Variants in WDPCP observed in about 807,000 individuals in gnomAD.
WDPCP encodes the protein WD repeat-containing and planar cell polarity effector protein fritz homolog.
WDPCP carries 71 observed loss-of-function variants against 93.1 expected under a neutral mutation model. That is an observed-to-expected ratio of 0.76 (90% CI 0.63 to 0.93). The LOEUF is 0.93. Ranked by LOEUF, WDPCP falls within the 40% of genes least tolerant of loss-of-function variation. WDPCP has a pLI of 0.00. For synonymous variants in WDPCP, 315 were observed against 315.0 expected (o/e 1.00, Z 0.00); for missense variants, 844 against 887.4 (o/e 0.95, Z 0.62).
At chr2:63,481,152 T>C (rs1387030204) in intron 6 of WDPCP, among the ~76,000 whole-genome samples, 1 of 152,074 alleles carries the variant, frequency 6.6e-6, no homozygotes, top group Non-Finnish European at 1.5e-5. Context: ...TCAATATCAC[T>C]AATGATCAGG....
At chr2:63,575,227 T>C (rs1045620516) in intron 1 of WDPCP, among the ~76,000 whole-genome samples, 1 of 150,888 alleles carries the variant, frequency 6.6e-6, no homozygotes, top group Non-Finnish European at 1.5e-5. Flanking sequence ...AGTCTAGAAA[T>C]GTATTGTTCT....
At chr2:63,492,766 G>A in intron 2 of WDPCP, 90 bp downstream of exon 2, 3 of 1,168,950 alleles carry the variant, frequency 2.6e-6, no homozygotes, top group Non-Finnish European at 2.5e-6. Flanking sequence ...AACTCCAGCT[G>A]GAGAATTCAG....
At chr2:63,464,355 AAAAC>A (rs894017344) in intron 6 of WDPCP, among the ~76,000 whole-genome samples, 1 of 152,144 alleles carries the variant, frequency 6.6e-6, no homozygotes, top group African/African-American at 2.4e-5. Flanking sequence ...TACTACCACA[AAAAC>A]AAACAACAAC....
At chr2:63,291,132 A>G (rs150577249) in intron 13 of WDPCP, among the ~76,000 whole-genome samples, 227 of 152,228 alleles carry the variant, frequency 1.5e-3, no homozygotes, top group African/African-American at 5.1e-3. Flanking sequence ...ATTATGTCCA[A>G]TCTTCTACTG....
At chr2:63,494,726 C>T (rs1215760209) in intron 1 of WDPCP, among the ~76,000 whole-genome samples, 2 of 152,036 alleles carry the variant, frequency 1.3e-5, no homozygotes, top group African/African-American at 4.8e-5. Context: ...CGAGACCATC[C>T]TGGCTAACAC....
intron 17 of WDPCP, among the ~76,000 whole-genome samples, chr2:63,125,914 T>C (rs1029326760): frequency 6.8e-6 from 1 of 146,016 alleles, no homozygotes; most frequent in South Asian, 2.2e-4. Flanking sequence ...CCAGGCTGCT[T>C]TTCAGTTTTT....
chr2:63,788,294 G>A (rs1199568609), intron 2 of WDPCP, among the ~76,000 whole-genome samples: 1 of 152,148 alleles, frequency 6.6e-6, no homozygotes, highest in Non-Finnish European at 1.5e-5. Flanking sequence ...TGTCATTGGT[G>A]GGTATGACTC....
At chr2:63,545,590 T>A (rs1407571027) in intron 1 of WDPCP, among the ~76,000 whole-genome samples, 1 of 152,088 alleles carries the variant, frequency 6.6e-6, no homozygotes, top group Admixed American at 6.6e-5. Context: ...ATTTTTCACC[T>A]TCTTTCTAGT....
At chr2:63,419,759 A>C (rs1260336354) in intron 9 of WDPCP, among the ~76,000 whole-genome samples, 4 of 152,192 alleles carry the variant, frequency 2.6e-5, no homozygotes, top group Non-Finnish European at 4.4e-5. Flanking sequence ...ATCTATTATA[A>C]TCCTTTTAAG....
At chr2:63,161,166 G>C (rs1452781945) in intron 15 of WDPCP, among the ~76,000 whole-genome samples, 1 of 152,180 alleles carries the variant, frequency 6.6e-6, no homozygotes, top group Non-Finnish European at 1.5e-5. Flanking sequence ...GCATACTTAA[G>C]GAATTTTCTG....
chr2:63,617,342 T>C (rs1709682782), intron 3 of WDPCP, among the ~76,000 whole-genome samples: 1 of 152,220 alleles, frequency 6.6e-6, no homozygotes, highest in Non-Finnish European at 1.5e-5. Flanking sequence ...AATTATAACC[T>C]CATATCTTCC....
At chr2:63,143,928 C>T (rs1671276813) in intron 17 of WDPCP, among the ~76,000 whole-genome samples, 1 of 152,148 alleles carries the variant, frequency 6.6e-6, no homozygotes. Flanking sequence ...AGGCGAAGAT[C>T]TTTTTGCAAT....
intron 12 of WDPCP, among the ~76,000 whole-genome samples, chr2:63,338,551 TAAAA>T (rs373990599): frequency 0.077 from 1,874 of 24,456 alleles, 54 homozygotes; most frequent in East Asian, 0.11. Flanking sequence ...AAACTCCATC[TAAAA>T]AAAAAAAAAA....
At chr2:63,763,313 G>T (rs2103921304) in intron 2 of WDPCP, among the ~76,000 whole-genome samples, 1 of 152,062 alleles carries the variant, frequency 6.6e-6, no homozygotes, top group East Asian at 1.9e-4. Context: ...AGACCAGCCT[G>T]GCCGATATAG....
chr2:63,229,891 GAAA>G (rs559412469), intron 14 of WDPCP: 46 of 115,076 alleles, frequency 4.0e-4, no homozygotes, highest in South Asian at 1.3e-3. Flanking sequence ...CCAGAAAAAG[GAAA>G]AAAAAAAAAA....
chr2:63,839,270 T>C, the WDPCP span, among the ~76,000 whole-genome samples: 1 of 152,184 alleles, frequency 6.6e-6, no homozygotes, highest in Admixed American at 6.5e-5. Context: ...CTTGTATAAT[T>C]AAAAACTCGC....
chr2:63,211,842 T>G (rs183858114), intron 14 of WDPCP, among the ~76,000 whole-genome samples: 16 of 152,178 alleles, frequency 1.1e-4, no homozygotes, highest in Non-Finnish European at 2.1e-4. Flanking sequence ...CAGTAGCCAA[T>G]TCGATCAAGT....
At chr2:63,732,662 GT>G (rs1482080836) in intron 2 of WDPCP, among the ~76,000 whole-genome samples, 1 of 152,028 alleles carries the variant, frequency 6.6e-6, no homozygotes, top group Non-Finnish European at 1.5e-5. Context: ...CTTACAAAAT[GT>G]TTTATTTATT....
At chr2:63,123,789 AC>A in intron 17 of WDPCP, among the ~76,000 whole-genome samples, 1 of 151,894 alleles carries the variant, frequency 6.6e-6, no homozygotes. Flanking sequence ...GTTATACAAA[AC>A]TAAAGTTAAC....
Sources: allele counts gnomAD v4.1 joint callset (sites outside exome capture counted in the v4.1 genomes callset), GRCh38; gene constraint gnomAD v4.1.1; transcripts MANE v1.5; gene names NCBI Gene and HGNC (gene_info 2026-07-23, HGNC 2026-07-21).